Variants in LTBP1 observed in about 807,000 individuals in gnomAD.
LTBP1 encodes the protein latent-transforming growth factor beta-binding protein 1.
In LTBP1, 129 loss-of-function variants were observed where a neutral mutation model predicts 207.6. The observed-to-expected ratio is 0.62, with a 90% CI of 0.54 to 0.72. LTBP1 has a LOEUF of 0.72. LTBP1 is among the 30% of genes least tolerant of loss of function. The probability of loss-of-function intolerance (pLI) is 0.00; values close to 1 mark genes in which losing one functional copy is unlikely to be tolerated. For synonymous variants in LTBP1, 963 were observed against 833.7 expected (o/e 1.16, Z -2.67); for missense variants, 2,281 against 2,217.2 (o/e 1.03, Z -0.58).
At chr2:33,294,906 T>G (rs2093846136) in intron 20 of LTBP1, among the ~76,000 whole-genome samples, 1 of 148,610 alleles carries the variant, frequency 6.7e-6, no homozygotes, top group Non-Finnish European at 1.5e-5. Flanking sequence ...TACTATTTGG[T>G]TTTTTTTTTA....
intron 2 of LTBP1, among the ~76,000 whole-genome samples, chr2:33,005,614 T>G (rs219177): frequency 0.32 from 45,525 of 141,772 alleles, 8,008 homozygotes; most frequent in Non-Finnish European, 0.41. Context: ...TTTTTTTTTT[T>G]GAGACAGTGT....
chr2:33,022,265 C>CT (rs3047211), intron 3 of LTBP1, among the ~76,000 whole-genome samples: 18,464 of 125,090 alleles, frequency 0.15, 1,594 homozygotes, highest in Middle Eastern at 0.24. Context: ...CCTCAATCCT[C>CT]TTTTTTTTTT....
chr2:33,148,346 T>C (rs1278384101), intron 5 of LTBP1, among the ~76,000 whole-genome samples: 1 of 152,240 alleles, frequency 6.6e-6, no homozygotes, highest in East Asian at 1.9e-4. Context: ...TTCTTTCTGA[T>C]AACATATGTT....
chr2:33,147,616 T>C (rs191566830), intron 5 of LTBP1, among the ~76,000 whole-genome samples: 2 of 152,358 alleles, frequency 1.3e-5, no homozygotes, highest in Non-Finnish European at 2.9e-5. Flanking sequence ...CTTTTTCAAA[T>C]CTCCTACCTC....
chr2:33,131,156 G>A (rs1182685519), intron 4 of LTBP1, among the ~76,000 whole-genome samples: 1 of 152,086 alleles, frequency 6.6e-6, no homozygotes, highest in Non-Finnish European at 1.5e-5. Context: ...CCATGCTTCG[G>A]GTTACTTTGT....
chr2:33,381,263 T>C (rs2095211535), intron 31 of LTBP1, among the ~76,000 whole-genome samples: 1 of 152,212 alleles, frequency 6.6e-6, no homozygotes, highest in South Asian at 2.1e-4. Context: ...AGTATAAATG[T>C]TTGGATCCAG....
At chr2:33,031,027 T>C (rs544832520) in intron 3 of LTBP1, among the ~76,000 whole-genome samples, 141 of 152,336 alleles carry the variant, frequency 9.3e-4, no homozygotes, top group African/African-American at 3.3e-3. Flanking sequence ...TTAAAGATTG[T>C]TTTTATCAAA....
At chr2:32,996,498 T>G (rs1685294724) in intron 2 of LTBP1, among the ~76,000 whole-genome samples, 1 of 152,176 alleles carries the variant, frequency 6.6e-6, no homozygotes, top group Non-Finnish European at 1.5e-5. Flanking sequence ...ATTTAATAAA[T>G]AGTTTTTTAC....
intron 22 of LTBP1, 25 bp from the exon 23 acceptor site, chr2:33,309,409 T>C (rs1473194016): frequency 6.4e-7 from 1 of 1,567,876 alleles, no homozygotes; most frequent in African/African-American, 1.4e-5. Flanking sequence ...ATTTAGTCTT[T>C]AAAAATTTTT....
rs769279730 is a variant in LTBP1 at position 33,315,233 on chromosome 2, G to T, written c.3694G>T (p.Gly1232Cys). The T allele has an allele frequency of 1.2e-6, 2 of 1,613,426 alleles. No individual in the cohort carries two copies. The highest frequency in any genetic ancestry group is 1.3e-5 in the African/African-American group (1 of 74,848). ...TTCTTTCCATTGTGTCTGCCAGCAG[G>T]GTTTCTCAATCTCTGCAGATGGCCG... is the stretch of plus-strand genomic sequence containing the variant. ...EGSFHCVCQQ[G>C]FSISADGRTC... The change falls in exon 24 of 34, where the codon GGT (glycine) becomes TGT (cysteine). Residue 1232 changes from glycine (G) to cysteine (C), a missense_variant. Coordinates refer to ENST00000404816, the MANE Select transcript of LTBP1 (RefSeq NM_206943.4).
At chr2:33,033,191 T>C (rs780309835) in intron 3 of LTBP1, among the ~76,000 whole-genome samples, 17 of 152,070 alleles carry the variant, frequency 1.1e-4, no homozygotes, top group Non-Finnish European at 2.2e-4. Flanking sequence ...AACTGGAATG[T>C]TTCTTCCATC....
intron 24 of LTBP1, among the ~76,000 whole-genome samples, chr2:33,332,372 CAAAAAAAA>C (rs745342264): frequency 1.1e-3 from 56 of 52,484 alleles, no homozygotes; most frequent in African/African-American, 4.3e-3. Flanking sequence ...ACACCATCTC[CAAAAAAAA>C]AAAAAAAAAA....
Position 33,277,148 on chromosome 2 carries a change from C to T in LTBP1, c.2992+1225C>T, listed in dbSNP as rs2093441766. 2.0e-5 allele frequency among the ~76,000 whole-genome samples: 3 copies of T among 152,160 alleles called. No homozygotes were observed. The South Asian group carries it at 6.2e-4, about 32-fold the overall frequency. ...TTGGTTTTCTTCACTGCTCTAATGA[C>T]CCAGGCCTGGAGGGAGAGCTAATTA... On this transcript the variant is annotated intron_variant, in intron 18 of 33. Transcript: ENST00000404816.
intron 18 of LTBP1, among the ~76,000 whole-genome samples, chr2:33,276,480 A>G (rs1039567108): frequency 3.3e-5 from 5 of 152,250 alleles, no homozygotes; most frequent in Non-Finnish European, 4.4e-5. Flanking sequence ...AAAAGTATTT[A>G]TAGCATGGTC....
intron 33 of LTBP1, among the ~76,000 whole-genome samples, chr2:33,397,545 T>G (rs2095370392): frequency 6.7e-6 from 1 of 149,448 alleles, no homozygotes; most frequent in African/African-American, 2.5e-5. Flanking sequence ...TTTACTCTTG[T>G]CGCCCAGGCT....
intron 9 of LTBP1, 95 bp downstream of exon 9, chr2:33,222,246 C>A: frequency 1.2e-6 from 1 of 842,490 alleles, no homozygotes. Flanking sequence ...TTCGCCCAGC[C>A]TGTCACAGTG....
intron 31 of LTBP1, among the ~76,000 whole-genome samples, chr2:33,374,067 A>G (rs2095105756): frequency 6.6e-6 from 1 of 152,194 alleles, no homozygotes; most frequent in South Asian, 2.1e-4. Context: ...GAAGTTTCGT[A>G]ATGCCCTTGG....
intron 10 of LTBP1, among the ~76,000 whole-genome samples, chr2:33,245,045 A>AT (rs2092464028): frequency 1.3e-5 from 2 of 151,856 alleles, no homozygotes; most frequent in South Asian, 2.1e-4. Context: ...CGCCCAGCTA[A>AT]TTTTTTGTAT....
intron 33 of LTBP1, among the ~76,000 whole-genome samples, chr2:33,397,702 T>G (rs1373945285): frequency 2.0e-5 from 3 of 148,932 alleles, no homozygotes; most frequent in African/African-American, 7.4e-5. Flanking sequence ...TTTTGTATTT[T>G]TAGTAGAGAC....
Sources: allele counts gnomAD v4.1 joint callset (sites outside exome capture counted in the v4.1 genomes callset), GRCh38; gene constraint gnomAD v4.1.1; transcripts MANE v1.5; gene names NCBI Gene and HGNC (gene_info 2026-07-23, HGNC 2026-07-21).